The following GALNTL6 variants were observed in gnomAD, a reference collection of about 807,000 sequenced individuals.
GALNTL6 encodes polypeptide N-acetylgalactosaminyltransferase like 6.
A neutral mutation model predicts 73.7 loss-of-function variants in GALNTL6; 46 were observed. The ratio of observed to expected loss-of-function variants is 0.62; its 90% CI spans 0.49 to 0.80. The LOEUF (loss-of-function observed/expected upper bound fraction) is 0.80. Among genes scored for constraint, GALNTL6 ranks in the 30% least tolerant of loss-of-function variants. The pLI, the probability that GALNTL6 is intolerant of heterozygous loss-of-function variation, is 0.00. For missense variants in GALNTL6, 604 were observed against 755.0 expected (o/e 0.80, Z 2.34); for synonymous variants, 259 against 263.7 (o/e 0.98, Z 0.17).
chr4:172,026,424 G>A (rs189254193), intron 2 of GALNTL6, among the ~76,000 whole-genome samples: 8 of 152,202 alleles, frequency 5.3e-5, no homozygotes, highest in Non-Finnish European at 8.8e-5. Context: ...TCAGAAAGAT[G>A]TAGGTTCAAA....
chr4:171,866,854 C>T (rs995575416), intron 2 of GALNTL6, among the ~76,000 whole-genome samples: 1 of 152,132 alleles, frequency 6.6e-6, no homozygotes, highest in South Asian at 2.1e-4. Flanking sequence ...CTAATTAACT[C>T]CCACAAGCCC....
chr4:171,988,091 A>G (rs966340598), intron 2 of GALNTL6, among the ~76,000 whole-genome samples: 45 of 152,208 alleles, frequency 3.0e-4, no homozygotes, highest in Admixed American at 5.2e-4. Flanking sequence ...AGGGCCTCTA[A>G]AACTATTAAA....
intron 2 of GALNTL6, among the ~76,000 whole-genome samples, chr4:172,095,304 G>T (rs1359858986): frequency 6.6e-6 from 1 of 152,146 alleles, no homozygotes; most frequent in Non-Finnish European, 1.5e-5. Context: ...GGAACTCTGA[G>T]AAGGAGCCTC....
chr4:172,570,255 C>T (rs763720541), intron 5 of GALNTL6, among the ~76,000 whole-genome samples: 3 of 152,070 alleles, frequency 2.0e-5, no homozygotes, highest in African/African-American at 4.8e-5. Flanking sequence ...TGAGTATGTG[C>T]ATCTGCTGAA....
chr4:172,379,392 C>T (rs1476600118), intron 5 of GALNTL6, among the ~76,000 whole-genome samples: 10 of 151,622 alleles, frequency 6.6e-5, no homozygotes, highest in African/African-American at 1.9e-4. Flanking sequence ...TAGCCGGGCA[C>T]GGTGGCGGGC....
intron 5 of GALNTL6, among the ~76,000 whole-genome samples, chr4:172,575,048 G>A (rs1179791576): frequency 2.6e-5 from 4 of 152,180 alleles, no homozygotes; most frequent in Admixed American, 1.3e-4. Flanking sequence ...TCACGACTGT[G>A]TGTACCCAAA....
intron 2 of GALNTL6, among the ~76,000 whole-genome samples, chr4:172,138,478 T>TATAC (rs1553995887): frequency 1.8e-3 from 5 of 2,790 alleles, no homozygotes; most frequent in African/African-American, 4.7e-3. Context: ...TTGGACTGCC[T>TATAC]ATATATATAT....
intron 5 of GALNTL6, among the ~76,000 whole-genome samples, chr4:172,753,896 A>T (rs1005153141): frequency 6.6e-6 from 1 of 152,166 alleles, no homozygotes; most frequent in Admixed American, 6.5e-5. Context: ...AACTACAAAG[A>T]TGCCCACGAG....
intron 3 of GALNTL6, among the ~76,000 whole-genome samples, chr4:172,231,549 G>A (rs566392809): frequency 6.6e-6 from 1 of 152,166 alleles, no homozygotes; most frequent in South Asian, 2.1e-4. Context: ...TGGAAAATAT[G>A]GAGTAATAGC....
At chr4:172,386,265 C>A (rs751571422) in intron 5 of GALNTL6, among the ~76,000 whole-genome samples, 12 of 152,086 alleles carry the variant, frequency 7.9e-5, no homozygotes, top group Admixed American at 3.9e-4. Flanking sequence ...GCCTAAAGAG[C>A]ACACATATTT....
chr4:172,653,608 G>GA (rs200109968), intron 5 of GALNTL6, among the ~76,000 whole-genome samples: 2 of 150,322 alleles, frequency 1.3e-5, no homozygotes, highest in South Asian at 2.1e-4. Flanking sequence ...GAAGAAAGAG[G>GA]AAAAAAAAAT....
chr4:172,276,468 C>A (rs971316605), intron 3 of GALNTL6, among the ~76,000 whole-genome samples: 22 of 152,276 alleles, frequency 1.4e-4, no homozygotes, highest in African/African-American at 5.3e-4. Flanking sequence ...TACTGCCCAG[C>A]ACTTAACATT....
chr4:172,152,726 A>G (rs752168837), intron 2 of GALNTL6, among the ~76,000 whole-genome samples: 11 of 152,182 alleles, frequency 7.2e-5, no homozygotes, highest in Non-Finnish European at 1.3e-4. Context: ...CTCCCAGCTC[A>G]GCCTCCCAAG....
At chr4:172,998,945 A>G (rs1275018356) in intron 10 of GALNTL6, among the ~76,000 whole-genome samples, 1 of 151,904 alleles carries the variant, frequency 6.6e-6, no homozygotes, top group Non-Finnish European at 1.5e-5. Context: ...TCCAGCCAGA[A>G]GACAGAAATC....
intron 5 of GALNTL6, among the ~76,000 whole-genome samples, chr4:172,588,418 A>T (rs1481615532): frequency 1.3e-5 from 2 of 151,602 alleles, no homozygotes; most frequent in African/African-American, 4.8e-5. Context: ...ACATGATGAA[A>T]CCCTGTCTCA....
chr4:172,118,021 C>T (rs1001966182), intron 2 of GALNTL6, among the ~76,000 whole-genome samples: 1 of 152,006 alleles, frequency 6.6e-6, no homozygotes, highest in Non-Finnish European at 1.5e-5. Context: ...TTTTTCAAAA[C>T]TGTAAAGCTA....
At chr4:172,418,180 T>C (rs1730913815) in intron 5 of GALNTL6, among the ~76,000 whole-genome samples, 1 of 152,204 alleles carries the variant, frequency 6.6e-6, no homozygotes, top group African/African-American at 2.4e-5. Context: ...GGTTCTTTTA[T>C]TGTTGTTTAA....
At chr4:172,665,216 CA>C (rs1276859813) in intron 5 of GALNTL6, among the ~76,000 whole-genome samples, 2 of 152,122 alleles carry the variant, frequency 1.3e-5, no homozygotes. Context: ...TTCTTGGTAC[CA>C]ACAGCTGTAT....
At chr4:171,852,102 A>G (rs1735538413) in intron 2 of GALNTL6, among the ~76,000 whole-genome samples, 2 of 152,276 alleles carry the variant, frequency 1.3e-5, no homozygotes, top group South Asian at 4.1e-4. Flanking sequence ...GGAATATATC[A>G]GAAAATATCT....
Sources: gnomAD v4.1 joint callset for allele counts (sites outside exome capture counted in the v4.1 genomes callset) on GRCh38, gnomAD v4.1.1 for gene constraint, MANE v1.5 for transcripts, NCBI Gene and HGNC (gene_info 2026-07-23, HGNC 2026-07-21) for gene names.